The following UNC5C variants were observed in gnomAD, a reference collection of about 807,000 sequenced individuals.
The protein encoded by UNC5C is unc-5 netrin receptor C.
In UNC5C, 47 loss-of-function variants were observed where a neutral mutation model predicts 99.8. The observed-to-expected ratio is 0.47, with a 90% confidence interval of 0.37 to 0.60. UNC5C has a LOEUF of 0.60. Ranked by LOEUF, UNC5C falls within the 20% of genes least tolerant of loss-of-function variation. The pLI is 0.00. For synonymous variants in UNC5C, 487 were observed against 452.2 expected, an observed-to-expected ratio of 1.08 and a Z score of -0.98; for missense variants, 1,062 against 1,165.9, an observed-to-expected ratio of 0.91 and a Z score of 1.30.
chr4:95,379,666 T>TC (rs1276964870), intron 1 of UNC5C, among the ~76,000 whole-genome samples: 3 of 152,200 alleles, frequency 2.0e-5, no homozygotes, highest in Non-Finnish European at 4.4e-5. Flanking sequence ...TGGGCTATTA[T>TC]TTTCACTGAT....
Position 95,196,760 on chromosome 4 carries a change from TATATTATATTTATGTAATATATAATA to T in UNC5C, c.2136+5945_2136+5970del, listed in dbSNP as rs1209166733. ...TTATATTTATGTAATATATAATATATATATTATATTTATGTAATATATAATATATATATTATATTTATGTAATATAT... is the reference window on the plus strand; with the variant it reads ...TTATATTTATGTAATATATAATATATTATATATTATATTTATGTAATATAT... On this transcript the variant is annotated intron_variant, in intron 12 of 15. Coordinates refer to ENST00000453304, the MANE Select transcript of UNC5C (RefSeq NM_003728.4). 7.0e-5 allele frequency among the ~76,000 whole-genome samples: 5 copies of T among 70,984 alleles called. 1 individual carries two copies. The highest frequency in any genetic ancestry group is 3.3e-4 in the African/African-American group (5 of 14,968). The allele number at this position is 70,984 out of a possible 152,430, so 46.6% of individuals were successfully genotyped here.
At position 95,301,499 on chromosome 4, in the gene UNC5C, C is replaced by A. The variant is rs1579308023; in HGVS notation, c.490+107G>T. On this transcript the variant is annotated intron_variant, in intron 3 of 15. Coordinates refer to ENST00000453304, the MANE Select transcript of UNC5C (RefSeq NM_003728.4). ...CGTGAGTCACCGCGCCTGGCCTTTC[C>A]AGGATTTTTGACCAGTTTTCTTTGG... 10 of 1,519,576 alleles carry A rather than the reference C, an allele frequency of 6.6e-6. No individual in the cohort carries two copies. In the East Asian group the frequency reaches 2.1e-4, roughly 31 times the overall value. The allele number at this position is 1,519,576 out of a possible 1,614,324, so 94.1% of individuals were successfully genotyped here. A position where few individuals can be genotyped will look rare whatever the true frequency, so the allele number is the denominator to read the frequency against.
chr4:95,207,415 CAGAA>C (rs1737921603), intron 10 of UNC5C, among the ~76,000 whole-genome samples: 1 of 152,020 alleles, frequency 6.6e-6, no homozygotes, highest in South Asian at 2.1e-4. Flanking sequence ...AGAATCTGGG[CAGAA>C]AGAACCTAAA....
At chr4:95,247,103 G>A (rs1403877220) in intron 5 of UNC5C, among the ~76,000 whole-genome samples, 1 of 151,926 alleles carries the variant, frequency 6.6e-6, no homozygotes, top group African/African-American at 2.4e-5. Flanking sequence ...TTGTTTAAAT[G>A]CTATCTCTGG....
chr4:95,331,890 A>ATG (rs1318844679), intron 2 of UNC5C, among the ~76,000 whole-genome samples: 1 of 152,108 alleles, frequency 6.6e-6, no homozygotes, highest in Non-Finnish European at 1.5e-5. Flanking sequence ...TACAAAATCA[A>ATG]TGTACAAAAA....
At chr4:95,180,903 G>A (rs1341795694) in intron 14 of UNC5C, among the ~76,000 whole-genome samples, 1 of 152,120 alleles carries the variant, frequency 6.6e-6, no homozygotes, top group East Asian at 1.9e-4. Context: ...CTTGTTTATG[G>A]TTTGTCAATC....
intron 1 of UNC5C, among the ~76,000 whole-genome samples, chr4:95,352,729 A>G (rs1404754359): frequency 6.6e-6 from 1 of 152,110 alleles, no homozygotes; most frequent in Admixed American, 6.6e-5. Flanking sequence ...TACAGTGCAT[A>G]CCAGCTCTTC....
intron 2 of UNC5C, among the ~76,000 whole-genome samples, chr4:95,328,356 G>A (rs1196764510): frequency 9.8e-6 from 1 of 101,802 alleles, no homozygotes; most frequent in South Asian, 4.7e-4. Context: ...GAGAATGATG[G>A]TTTCCAATTT....
Position 95,279,638 on chromosome 4 carries a change from T to C in UNC5C, c.491-1276A>G, listed in dbSNP as rs987719919. ...TTCATGCATGTACAGTTCAGTTCCTTCCATTAAAGAGTTATTAGAATTTTA... is the reference window on the plus strand; with the variant it reads ...TTCATGCATGTACAGTTCAGTTCCTCCCATTAAAGAGTTATTAGAATTTTA... On this transcript the variant is annotated intron_variant, in intron 3 of 15. Coordinates refer to ENST00000453304, the MANE Select transcript of UNC5C (RefSeq NM_003728.4). 2.0e-5 allele frequency among the ~76,000 whole-genome samples: 3 copies of C among 152,208 alleles called. No homozygotes were observed. The East Asian group carries it at 5.8e-4, about 29-fold the overall frequency.
At chr4:95,197,237 G>T (rs1226867256) in intron 12 of UNC5C, among the ~76,000 whole-genome samples, 1 of 150,866 alleles carries the variant, frequency 6.6e-6, no homozygotes. Context: ...CACAGCTCCA[G>T]ACATTGGGGC....
rs758844127 is a variant in UNC5C at position 95,219,113 on chromosome 4, G to C, written c.1501C>G (p.Leu501Val). ...AACGACTGGGTCATCTGAGGGGACA[G>C]CTTGGACGTAAACTCAGAGAGGTCA... ...QDDLSEFTSK[L>V]SPQMTQSLLE... The change falls in exon 9 of 16, where the codon CTG becomes GTG. Residue 501 changes from leucine (L) to valine (V), a missense_variant. Leu to Val is a conservative substitution (Grantham distance 32). This residue lies in a region of UNC5C where 810 missense variants were observed against 854.5 expected (regional missense o/e 0.95). Coordinates refer to ENST00000453304, the MANE Select transcript of UNC5C (RefSeq NM_003728.4). The C allele has an allele frequency of 2.2e-5, 36 of 1,614,168 alleles. No homozygotes were observed. The highest frequency in any genetic ancestry group is 3.0e-5 in the Non-Finnish European group (35 of 1,180,014).
At chr4:95,172,230 G>A (rs1213306707) in intron 14 of UNC5C, among the ~76,000 whole-genome samples, 3 of 151,772 alleles carry the variant, frequency 2.0e-5, no homozygotes, top group Non-Finnish European at 2.9e-5. Context: ...CTGTGCAGAA[G>A]CTCTTTATTT....
intron 3 of UNC5C, among the ~76,000 whole-genome samples, chr4:95,296,286 GCT>G (rs1258897138): frequency 1.3e-5 from 2 of 152,142 alleles, no homozygotes; most frequent in African/African-American, 4.8e-5. Context: ...AGTTCAGTTA[GCT>G]ACAGAATTAT....
intron 14 of UNC5C, 55 bp downstream of exon 14, chr4:95,182,842 T>G (rs999975251): frequency 1.5e-5 from 24 of 1,556,134 alleles, no homozygotes; most frequent in Non-Finnish European, 2.1e-5. Flanking sequence ...CCACACACTC[T>G]GTCTTCCTGA....
intron 1 of UNC5C, among the ~76,000 whole-genome samples, chr4:95,439,806 C>A (rs1179232451): frequency 6.6e-6 from 1 of 152,078 alleles, no homozygotes; most frequent in African/African-American, 2.4e-5. Flanking sequence ...ACCCATATGT[C>A]AGGGCGTGTA....
intron 1 of UNC5C, among the ~76,000 whole-genome samples, chr4:95,385,077 C>T (rs1051489167): frequency 2.0e-5 from 3 of 152,026 alleles, no homozygotes; most frequent in Admixed American, 6.6e-5. Context: ...ATCCTCCAGA[C>T]TGAGGTGAAA....
intron 2 of UNC5C, among the ~76,000 whole-genome samples, chr4:95,329,267 A>C (rs1743021123): frequency 6.6e-6 from 1 of 152,166 alleles, no homozygotes; most frequent in South Asian, 2.1e-4. Flanking sequence ...TCCAGCCTGG[A>C]AGACAGAGGA....
At chr4:95,215,174 A>T (rs2149365942) in intron 10 of UNC5C, among the ~76,000 whole-genome samples, 1 of 152,306 alleles carries the variant, frequency 6.6e-6, no homozygotes, top group East Asian at 1.9e-4. Flanking sequence ...TGAGGATGAG[A>T]GCTGGGAAAA....
chr4:95,548,773 C>T lies in UNC5C; in HGVS notation c.85G>A (p.Ala29Thr). ...LLQMLVLPALALLSASGTGSA... is the reference protein window; with the variant it reads ...LLQMLVLPALTLLSASGTGSA... ...CCAGTGCCGCTGGCGCTGAGCAGGG[C>T]CAGGGCAGGTAGCACGAGCATTTGC... The change falls in exon 1 of 16, where the codon GCC becomes ACC. Residue 29 changes from alanine (A) to threonine (T), a missense_variant. By Grantham distance (58) the Ala-to-Thr change is moderately conservative. Transcript: ENST00000453304. The T allele has an allele frequency of 6.2e-7, 1 of 1,613,372 alleles. No individual in the cohort carries two copies. Among genetic ancestry groups the T allele is most frequent in the Non-Finnish European group, 8.5e-7 (1 of 1,179,936 alleles).
Sources: allele counts gnomAD v4.1 joint callset (sites outside exome capture counted in the v4.1 genomes callset), GRCh38; gene constraint gnomAD v4.1.1; regional missense constraint gnomAD v4.1.1; transcripts MANE v1.5; gene names NCBI Gene and HGNC (gene_info 2026-07-23, HGNC 2026-07-21).